The following PHACTR1 variants were observed in gnomAD, a reference collection of about 807,000 sequenced individuals.
PHACTR1 encodes RPEL repeat containing 1.
In PHACTR1, 16 loss-of-function variants were observed where a neutral mutation model predicts 69.2. That is an observed-to-expected ratio of 0.23 (90% CI 0.16 to 0.35). The LOEUF (loss-of-function observed/expected upper bound fraction) is 0.35. PHACTR1 is among the 10% of genes least tolerant of loss of function. The pLI is 1.00. For missense variants in PHACTR1, 510 were observed against 734.7 expected, an observed-to-expected ratio of 0.69 and a Z score of 3.54; for synonymous variants, 312 against 284.5, an observed-to-expected ratio of 1.10 and a Z score of -0.97.
chr6:13,034,744 T>C (rs1454218775), intron 4 of PHACTR1, among the ~76,000 whole-genome samples: 2 of 152,234 alleles, frequency 1.3e-5, no homozygotes, highest in Admixed American at 1.3e-4. Context: ...TGAATCTTTC[T>C]TGAACCAGCT....
At chr6:13,221,349 A>G (rs185009515) in intron 8 of PHACTR1, among the ~76,000 whole-genome samples, 27 of 148,572 alleles carry the variant, frequency 1.8e-4, no homozygotes, top group African/African-American at 5.6e-4. Flanking sequence ...TCCAGTTTAC[A>G]ATGAGGCCTT....
intron 4 of PHACTR1, among the ~76,000 whole-genome samples, chr6:12,878,505 C>G (rs982773341): frequency 2.6e-5 from 4 of 152,188 alleles, no homozygotes; most frequent in African/African-American, 9.7e-5. Flanking sequence ...AAGTAAGTCT[C>G]TTGAAGCCCT....
intron 4 of PHACTR1, among the ~76,000 whole-genome samples, chr6:12,924,751 GGCGACAGA>G (rs1401459513): frequency 4.0e-5 from 6 of 150,066 alleles, no homozygotes; most frequent in Non-Finnish European, 3.0e-5. Context: ...CTCCAGCCTG[GGCGACAGA>G]GCGAGACTCT....
intron 4 of PHACTR1, among the ~76,000 whole-genome samples, chr6:12,794,905 G>A (rs1772780706): frequency 6.6e-6 from 1 of 152,144 alleles, no homozygotes; most frequent in Non-Finnish European, 1.5e-5. Context: ...AGTTATGGAT[G>A]ACCAGATCTG....
intron 4 of PHACTR1, among the ~76,000 whole-genome samples, chr6:12,920,193 A>G (rs544853650): frequency 2.0e-5 from 3 of 152,366 alleles, no homozygotes; most frequent in African/African-American, 7.2e-5. Flanking sequence ...GATGGTGAAC[A>G]AAGAGAGGAG....
At position 12,985,541 on chromosome 6, in the gene PHACTR1, A is replaced by AATAT. The variant is rs70989819; in HGVS notation, c.251-67806_251-67803dup. On this transcript the variant is annotated intron_variant, in intron 4 of 14. Coordinates refer to ENST00000332995, the MANE Select transcript of PHACTR1 (RefSeq NM_030948.6). Reference sequence around the variant, plus strand: ...AGTACTACAAATTAAAAAAAAAAAAAATATATATATATATATATATACACA... The same window carrying AATAT: ...AGTACTACAAATTAAAAAAAAAAAAAATATATATATATATATATATATATACACA... 1.4e-3 allele frequency among the ~76,000 whole-genome samples: 188 copies of AATAT among 132,742 alleles called. 1 individual carries two copies. Among genetic ancestry groups the AATAT allele is most frequent in the Admixed American group, 2.7e-3 (36 of 13,240 alleles). 87.1% of individuals were successfully genotyped at this position (132,742 alleles called of 152,430 possible).
At chr6:13,230,285 C>T in intron 10 of PHACTR1, 92 bp downstream of exon 10, 6 of 1,541,590 alleles carry the variant, frequency 3.9e-6, no homozygotes, top group South Asian at 3.6e-5. Flanking sequence ...GGCGCAGTAG[C>T]TTATGCCTGT....
At chr6:12,850,744 G>C (rs1779745360) in intron 4 of PHACTR1, among the ~76,000 whole-genome samples, 1 of 152,174 alleles carries the variant, frequency 6.6e-6, no homozygotes, top group Non-Finnish European at 1.5e-5. Flanking sequence ...GCATTTCTTG[G>C]CTTGTAAATG....
chr6:12,980,045 G>A (rs1437750976), intron 4 of PHACTR1, among the ~76,000 whole-genome samples: 1 of 152,182 alleles, frequency 6.6e-6, no homozygotes, highest in Non-Finnish European at 1.5e-5. Context: ...ACGTAGAAAT[G>A]TTCAATCTAC....
In PHACTR1 at chr6:13,208,340, A is replaced by G. The variant is rs559451856; in HGVS notation, c.986+2204A>G. 3.9e-5 allele frequency among the ~76,000 whole-genome samples: 6 copies of G among 152,362 alleles called. No individual in the cohort carries two copies. The East Asian group carries it at 1.2e-3, about 29-fold the overall frequency. On this transcript the variant is annotated intron_variant, in intron 8 of 14. Transcript: ENST00000332995. ...ACAAGTTTTAGATACTCTTACAGCA[A>G]TATGACAGAATAATTTCATGTCTGT... is the stretch of plus-strand genomic sequence containing the variant.
rs1758765694 is a variant in PHACTR1 at position 13,160,094 on chromosome 6, A to C, written c.416-110A>C. On this transcript the variant is annotated intron_variant, in intron 5 of 14. Coordinates refer to ENST00000332995, the MANE Select transcript of PHACTR1 (RefSeq NM_030948.6). ...AGCTCACATTAGCAAAGCACGATTT[A>C]CAGAAGCTTTCTCGTATGTTACATT... The C allele has an allele frequency of 8.6e-6, 8 of 930,524 alleles. No homozygotes were observed. The East Asian group carries it at 2.0e-4, about 23-fold the overall frequency. The allele number at this position is 930,524 out of a possible 1,614,324, so 57.6% of individuals were successfully genotyped here.
At chr6:13,228,607 AG>A (rs1199721689) in intron 9 of PHACTR1, among the ~76,000 whole-genome samples, 1 of 152,248 alleles carries the variant, frequency 6.6e-6, no homozygotes, top group Non-Finnish European at 1.5e-5. Context: ...TAGTTACGTG[AG>A]TACAGCCTGA....
intron 4 of PHACTR1, among the ~76,000 whole-genome samples, chr6:12,813,482 C>G (rs1428236756): frequency 6.6e-6 from 1 of 152,204 alleles, no homozygotes; most frequent in East Asian, 1.9e-4. Flanking sequence ...TTATCTGAGT[C>G]ATCAGCAGAC....
chr6:12,977,166 G>T (rs1340616887), intron 4 of PHACTR1, among the ~76,000 whole-genome samples: 1 of 152,072 alleles, frequency 6.6e-6, no homozygotes, highest in African/African-American at 2.4e-5. Flanking sequence ...TGGCTAGGCT[G>T]GTCTTGAACT....
At chr6:12,925,806 C>T (rs1363991015) in intron 4 of PHACTR1, among the ~76,000 whole-genome samples, 1 of 152,066 alleles carries the variant, frequency 6.6e-6, no homozygotes, top group East Asian at 1.9e-4. Context: ...TTTCTCTGCT[C>T]CCCCAAAAGC....
intron 4 of PHACTR1, among the ~76,000 whole-genome samples, chr6:12,982,686 C>A (rs1429452783): frequency 1.3e-5 from 2 of 152,086 alleles, no homozygotes; most frequent in Non-Finnish European, 2.9e-5. Context: ...ACAAACCTAT[C>A]TAAAGTTCCC....
intron 5 of PHACTR1, among the ~76,000 whole-genome samples, chr6:13,106,176 C>A (rs1029921153): frequency 1.3e-5 from 2 of 152,244 alleles, no homozygotes. Context: ...AAGTTCTTTT[C>A]TTTTCTCATT....
At chr6:12,967,045 G>T in intron 4 of PHACTR1, among the ~76,000 whole-genome samples, 1 of 152,036 alleles carries the variant, frequency 6.6e-6, no homozygotes, top group East Asian at 1.9e-4. Flanking sequence ...GTATTGCTGA[G>T]AATTATTTGC....
chr6:12,850,009 T>C (rs1321840384), intron 4 of PHACTR1, among the ~76,000 whole-genome samples: 2 of 152,242 alleles, frequency 1.3e-5, no homozygotes, highest in Admixed American at 6.5e-5. Flanking sequence ...CCTGCTTCTT[T>C]TTCCTGCTCT....
Sources: gnomAD v4.1 joint callset for allele counts (sites outside exome capture counted in the v4.1 genomes callset) on GRCh38, gnomAD v4.1.1 for gene constraint, MANE v1.5 for transcripts, NCBI Gene and HGNC (gene_info 2026-07-23, HGNC 2026-07-21) for gene names.